Variants in ANO5 observed in about 807,000 individuals in gnomAD.
ANO5 encodes anoctamin-5.
Under a neutral mutation model 121.0 loss-of-function variants are expected in ANO5, and 109 were observed. That is an observed-to-expected ratio of 0.90 (90% CI 0.77 to 1.06). The LOEUF is 1.06. Ranked by LOEUF, ANO5 falls within the 50% of genes least tolerant of loss-of-function variation. The pLI is 0.00. For synonymous variants in ANO5, 406 were observed against 359.9 expected (o/e 1.13, Z -1.45); for missense variants, 1,064 against 1,078.5 (o/e 0.99, Z 0.19).
rs750472231 is a variant in ANO5, at chr11:22,257,754, G to A, written c.1407G>A (p.Trp469Ter). The A allele has an allele frequency of 1.2e-6, 2 of 1,607,878 alleles. No individual in the cohort carries two copies. The highest frequency in any genetic ancestry group is 1.7e-6 in the Non-Finnish European group (2 of 1,174,802). The change falls in exon 14 of 22, where the codon TGG (tryptophan) becomes TGA (stop). Residue 469 changes from tryptophan to a stop codon, truncating the protein, a stop_gained and splice_region_variant. Transcript: ENST00000324559. LOFTEE classifies it high-confidence loss of function. ...YFLSGATVTL[W>*]MSLVVTSMVA... ...TTTCAGGAGCCACAGTGACATTATG[G>A]GTGAGCATTTCTTTAAAAATTGCTA... is the stretch of plus-strand genomic sequence containing the variant.
chr11:22,224,385 G>C (rs1852757611), intron 5 of ANO5, among the ~76,000 whole-genome samples: 1 of 151,906 alleles, frequency 6.6e-6, no homozygotes. Context: ...AGACACACAG[G>C]CCAATGAAAT....
At chr11:22,262,028 C>T in intron 15 of ANO5, 101 bp from the exon 16 acceptor site, 1 of 1,151,080 alleles carries the variant, frequency 8.7e-7, no homozygotes. Flanking sequence ...ATTCTATAGG[C>T]TCCCAGAATG....
chr11:22,220,241 C>T (rs973875927), intron 4 of ANO5, among the ~76,000 whole-genome samples: 11 of 151,992 alleles, frequency 7.2e-5, no homozygotes, highest in Non-Finnish European at 1.6e-4. Flanking sequence ...ATCTAATTGA[C>T]AGCCACTGTA....
Position 22,276,205 on chromosome 11 carries a change from C to T in ANO5, c.2520+6C>T, listed in dbSNP as rs886042378. 1.3e-6 allele frequency: 2 copies of T among 1,590,724 alleles called. No individual in the cohort carries two copies. Among genetic ancestry groups the T allele is most frequent in the Admixed American group, 3.3e-5 (2 of 59,782 alleles). Reference sequence around the variant, plus strand: ...CCTTCATCATTGTTATGGAAGTAAGCTGTTCTTAACTTTCATTCGAGTTAC... The same window carrying T: ...CCTTCATCATTGTTATGGAAGTAAGTTGTTCTTAACTTTCATTCGAGTTAC... On this transcript the variant is annotated splice_donor_region_variant and intron_variant, in intron 21 of 21. Transcript: ENST00000324559.
At chr11:22,230,060 T>C (rs1470016045) in intron 7 of ANO5, among the ~76,000 whole-genome samples, 1 of 152,028 alleles carries the variant, frequency 6.6e-6, no homozygotes, top group Non-Finnish European at 1.5e-5. Context: ...TGTTTGTTTA[T>C]ATATACACCA....
chr11:22,232,745 T>G (rs1853082158), intron 7 of ANO5, among the ~76,000 whole-genome samples: 1 of 151,998 alleles, frequency 6.6e-6, no homozygotes. Context: ...ATTGAAAACA[T>G]TCAACTTTTC....
At chr11:22,277,177 T>TCA (rs532605166) in intron 21 of ANO5, among the ~76,000 whole-genome samples, 3 of 151,166 alleles carry the variant, frequency 2.0e-5, no homozygotes, top group African/African-American at 4.9e-5. Flanking sequence ...TTGGCAGATC[T>TCA]CACACACACA....
At chr11:22,259,798 T>G (rs1231705875) in intron 15 of ANO5, 57 bp downstream of exon 15, 6 of 1,506,908 alleles carry the variant, frequency 4.0e-6, no homozygotes, top group Non-Finnish European at 5.5e-6. Flanking sequence ...TGATGCTATA[T>G]GTCTATTTTG....
At chr11:22,236,069 A>G in intron 7 of ANO5, 94 bp from the exon 8 acceptor site, 1 of 834,562 alleles carries the variant, frequency 1.2e-6, no homozygotes, top group Non-Finnish European at 2.0e-6. Flanking sequence ...CTGTATCTAC[A>G]TTCAAAGTAG....
intron 8 of ANO5, among the ~76,000 whole-genome samples, chr11:22,237,417 G>A (rs185394534): frequency 1.4e-3 from 210 of 152,052 alleles, no homozygotes; most frequent in African/African-American, 4.7e-3. Context: ...TTGAGACGGC[G>A]TCTTGCTGTG....
intron 12 of ANO5, among the ~76,000 whole-genome samples, chr11:22,254,007 G>A (rs116278520): frequency 0.037 from 5,565 of 152,104 alleles, 328 homozygotes; most frequent in African/African-American, 0.13. Context: ...ATAATTAATT[G>A]TATACTTTAC....
At chr11:22,276,030 G>A (rs1440680742) in intron 20 of ANO5, 64 bp from the exon 21 acceptor site, 2 of 1,084,182 alleles carry the variant, frequency 1.8e-6, no homozygotes, top group Non-Finnish European at 2.8e-6. Context: ...ATTATGTGAG[G>A]TCTCTCTAGT....
chr11:22,260,007 C>G (rs939985812), intron 15 of ANO5, among the ~76,000 whole-genome samples: 1 of 149,508 alleles, frequency 6.7e-6, no homozygotes, highest in East Asian at 2.0e-4. Flanking sequence ...TGTCTTAATT[C>G]TCCCTTGATG....
chr11:22,267,295 C>T (rs889910564), intron 17 of ANO5, among the ~76,000 whole-genome samples: 52 of 151,562 alleles, frequency 3.4e-4, no homozygotes, highest in Middle Eastern at 3.4e-3. Flanking sequence ...GGGATTTTTA[C>T]GTTTGATATG....
At chr11:22,238,215 A>G (rs558952494) in intron 8 of ANO5, among the ~76,000 whole-genome samples, 1 of 152,214 alleles carries the variant, frequency 6.6e-6, no homozygotes, top group South Asian at 2.1e-4. Flanking sequence ...AGAAAGATCT[A>G]AAGTAGGTTA....
At chr11:22,226,840 T>C (rs1852851528) in intron 6 of ANO5, among the ~76,000 whole-genome samples, 1 of 152,184 alleles carries the variant, frequency 6.6e-6, no homozygotes, top group Admixed American at 6.5e-5. Context: ...AAGTTCTTCC[T>C]CATTGTGTAG....
intron 20 of ANO5, among the ~76,000 whole-genome samples, chr11:22,275,669 C>G (rs949090289): frequency 3.3e-5 from 5 of 151,680 alleles, no homozygotes; most frequent in African/African-American, 1.2e-4. Context: ...AATAGAGTTC[C>G]AAGAAGATAG....
intron 9 of ANO5, among the ~76,000 whole-genome samples, chr11:22,239,951 T>C (rs1853371123): frequency 6.6e-6 from 1 of 152,092 alleles, no homozygotes; most frequent in African/African-American, 2.4e-5. Context: ...TCTTGAAAGC[T>C]ATATAAATTT....
chr11:22,206,692 A>G (rs59093206), intron 2 of ANO5, among the ~76,000 whole-genome samples: 6,548 of 152,070 alleles, frequency 0.043, 475 homozygotes, highest in African/African-American at 0.15. Context: ...TTATCAGAAA[A>G]AATATTGTCA....
Sources: gnomAD v4.1 joint callset for allele counts (sites outside exome capture counted in the v4.1 genomes callset) on GRCh38, gnomAD v4.1.1 for gene constraint, MANE v1.5 for transcripts, NCBI Gene and HGNC (gene_info 2026-07-23, HGNC 2026-07-21) for gene names.